Variants in PLD5 observed in about 807,000 individuals in gnomAD.
PLD5 encodes inactive phospholipase D5.
A neutral mutation model predicts 61.1 loss-of-function variants in PLD5; 36 were observed. The observed-to-expected ratio is 0.59, with a 90% CI of 0.45 to 0.78. The LOEUF (loss-of-function observed/expected upper bound fraction) is 0.78, where lower values mean the gene tolerates loss of function less well. Among genes scored for constraint, PLD5 ranks in the 30% least tolerant of loss-of-function variants. The pLI, the probability that PLD5 is intolerant of heterozygous loss-of-function variation, is 0.00. For synonymous variants in PLD5, 243 were observed against 242.8 expected, an observed-to-expected ratio of 1.00 and a Z score of -0.01; for missense variants, 515 against 644.4, an observed-to-expected ratio of 0.80 and a Z score of 2.17.
chr1:242,524,946 C>G (rs570948039), upstream of PLD5, among the ~76,000 whole-genome samples: 475 of 152,146 alleles, frequency 3.1e-3, 2 homozygotes, highest in African/African-American at 0.011. Flanking sequence ...TGAGCGCCGT[C>G]TCCGCGCCTC....
intron 1 of PLD5, among the ~76,000 whole-genome samples, chr1:242,419,393 T>G (rs567250835): frequency 2.0e-4 from 30 of 150,086 alleles, no homozygotes; most frequent in East Asian, 7.8e-4. Context: ...TTTGTTTTTT[T>G]TTTTTTTTTT....
intron 1 of PLD5, among the ~76,000 whole-genome samples, chr1:242,435,638 G>C (rs1441288460): frequency 6.6e-6 from 1 of 152,088 alleles, no homozygotes; most frequent in Non-Finnish European, 1.5e-5. Context: ...ATAAAACAAG[G>C]TTATGTATTG....
intron 4 of PLD5, among the ~76,000 whole-genome samples, chr1:242,241,991 C>CTA (rs71579089): frequency 0.032 from 3,680 of 115,192 alleles, 111 homozygotes; most frequent in East Asian, 0.057. Context: ...TATATACTTA[C>CTA]TATATATATA....
At position 242,091,201 on chromosome 1, in the gene PLD5, C is replaced by G. The variant is rs1659797206; in HGVS notation, c.1355-1091G>C. On this transcript the variant is annotated intron_variant, in intron 9 of 9. Coordinates refer to ENST00000536534, the MANE Select transcript of PLD5 (RefSeq NM_001372062.1). ...TAACTTGACGATTTCTCTAAAGATCCTGTCTCTCAATAGAGTTACATTCTG... is the reference window on the plus strand; with the variant it reads ...TAACTTGACGATTTCTCTAAAGATCGTGTCTCTCAATAGAGTTACATTCTG... Among the ~76,000 whole-genome samples the G allele has an allele frequency of 2.6e-5, 4 of 152,188 alleles. No homozygotes were observed. In the South Asian group the frequency reaches 8.3e-4, roughly 31 times the overall value.
At chr1:242,162,297 T>C (rs1362763582) in intron 5 of PLD5, among the ~76,000 whole-genome samples, 1 of 152,166 alleles carries the variant, frequency 6.6e-6, no homozygotes, top group African/African-American at 2.4e-5. Flanking sequence ...TGGAAGCTCT[T>C]TGCTGAGCAT....
At chr1:242,112,657 C>T (rs1241842793) in intron 7 of PLD5, among the ~76,000 whole-genome samples, 1 of 152,048 alleles carries the variant, frequency 6.6e-6, no homozygotes, top group Non-Finnish European at 1.5e-5. Context: ...AAAGAAGCTA[C>T]CTACTATGCA....
intron 5 of PLD5, among the ~76,000 whole-genome samples, chr1:242,205,536 C>A (rs1478759987): frequency 6.6e-6 from 1 of 152,146 alleles, no homozygotes; most frequent in Admixed American, 6.5e-5. Flanking sequence ...GCCCAGGTAA[C>A]CTTCTATATC....
chr1:242,254,072 C>T (rs987071925), intron 4 of PLD5, among the ~76,000 whole-genome samples: 14 of 152,272 alleles, frequency 9.2e-5, no homozygotes, highest in Admixed American at 9.1e-4. Context: ...CAAAGACGAT[C>T]TGTAATGTAT....
intron 5 of PLD5, among the ~76,000 whole-genome samples, chr1:242,173,879 C>A (rs1040004035): frequency 3.9e-5 from 6 of 152,126 alleles, no homozygotes; most frequent in Non-Finnish European, 7.4e-5. Context: ...CTTCCTTACA[C>A]CTTTTACAAA....
At chr1:242,349,224 AGTTACTATAAGGGGTT>A (rs1314840595) in intron 1 of PLD5, among the ~76,000 whole-genome samples, 1 of 152,168 alleles carries the variant, frequency 6.6e-6, no homozygotes. Context: ...GGAATGTCTG[AGTTACTATAAGGGGTT>A]GTAGAGACCA....
chr1:242,370,625 G>C (rs535509977), intron 1 of PLD5, among the ~76,000 whole-genome samples: 2 of 152,222 alleles, frequency 1.3e-5, no homozygotes, highest in South Asian at 2.1e-4. Flanking sequence ...CTGCAGTAGA[G>C]AATTAGGGAT....
chr1:242,243,119 C>T (rs1672161474), intron 4 of PLD5, among the ~76,000 whole-genome samples: 1 of 152,238 alleles, frequency 6.6e-6, no homozygotes, highest in South Asian at 2.1e-4. Flanking sequence ...GCCAAACAGA[C>T]AGCTTGCTGT....
chr1:242,240,166 T>C lies in PLD5; in HGVS notation c.608-20051A>G, dbSNP rs559360749. Among the ~76,000 whole-genome samples, 904 of 152,346 alleles carry C rather than the reference T, an allele frequency of 5.9e-3. 7 individuals are homozygous for C. The highest frequency in any genetic ancestry group is 9.1e-3 in the Non-Finnish European group (619 of 68,036). ...ACTCTTACATCTATAGAAATGTTTC[T>C]TCCCTAACTCACAGGTCTTTCCATG... On this transcript the variant is annotated intron_variant, in intron 4 of 9. Transcript: ENST00000536534.
At chr1:242,212,417 C>G (rs1478794628) in intron 5 of PLD5, among the ~76,000 whole-genome samples, 2 of 152,160 alleles carry the variant, frequency 1.3e-5, no homozygotes, top group African/African-American at 2.4e-5. Context: ...CGCGACCATG[C>G]GAGCGGTGGG....
intron 5 of PLD5, among the ~76,000 whole-genome samples, chr1:242,211,089 C>T (rs1177832757): frequency 6.6e-6 from 1 of 152,142 alleles, no homozygotes; most frequent in Non-Finnish European, 1.5e-5. Flanking sequence ...ATCCAGGAGA[C>T]CTAGCTGGGA....
At chr1:242,423,977 A>T (rs2102876498) in intron 1 of PLD5, among the ~76,000 whole-genome samples, 1 of 133,136 alleles carries the variant, frequency 7.5e-6, no homozygotes, top group East Asian at 2.1e-4. Context: ...GATGAAACTG[A>T]TGCCAACAAA....
intron 1 of PLD5, among the ~76,000 whole-genome samples, chr1:242,476,353 C>T (rs373887271): frequency 4.6e-5 from 7 of 150,554 alleles, no homozygotes; most frequent in Admixed American, 3.3e-4. Context: ...GAAACTCCGT[C>T]TCAAAAAAAA....
chr1:242,511,884 CTA>C (rs1430626239), intron 1 of PLD5, among the ~76,000 whole-genome samples: 1 of 152,172 alleles, frequency 6.6e-6, no homozygotes, highest in Non-Finnish European at 1.5e-5. Context: ...GATGCTTGTA[CTA>C]TGTTTGCAAA....
intron 1 of PLD5, among the ~76,000 whole-genome samples, chr1:242,448,791 T>A (rs1019924901): frequency 6.6e-6 from 1 of 152,218 alleles, no homozygotes; most frequent in African/African-American, 2.4e-5. Flanking sequence ...GATCGTTCTT[T>A]CTTTGAAAAC....
Sources: gnomAD v4.1 joint callset for allele counts (sites outside exome capture counted in the v4.1 genomes callset) on GRCh38, gnomAD v4.1.1 for gene constraint, MANE v1.5 for transcripts, NCBI Gene and HGNC (gene_info 2026-07-23, HGNC 2026-07-21) for gene names.